PCBP3: variants seen among roughly 807,000 people sequenced by gnomAD.
PCBP3 encodes the protein poly(rC)-binding protein 3.
In PCBP3, 25 loss-of-function variants were observed where a neutral mutation model predicts 52.7. The ratio of observed to expected loss-of-function variants is 0.47; its 90% CI spans 0.35 to 0.66. The LOEUF (loss-of-function observed/expected upper bound fraction) is 0.66. PCBP3 is among the 30% of genes least tolerant of loss of function. The pLI, the probability that PCBP3 is intolerant of heterozygous loss-of-function variation, is 0.01. For synonymous variants in PCBP3, 162 were observed against 183.0 expected (o/e 0.89, Z 0.93); for missense variants, 391 against 490.3 (o/e 0.80, Z 1.91).
chr21:45,925,781 A>G (rs1391672318), intron 13 of PCBP3, among the ~76,000 whole-genome samples: 1 of 152,236 alleles, frequency 6.6e-6, no homozygotes, highest in Non-Finnish European at 1.5e-5. Context: ...ATAATTCAAA[A>G]TTTATACGTG....
At chr21:45,878,848 C>G (rs1167293035) in intron 5 of PCBP3, among the ~76,000 whole-genome samples, 1 of 152,216 alleles carries the variant, frequency 6.6e-6, no homozygotes, top group Non-Finnish European at 1.5e-5. Context: ...GCAACACACA[C>G]CAACCTGGGA....
intron 2 of PCBP3, among the ~76,000 whole-genome samples, chr21:45,691,025 CA>C: frequency 6.6e-6 from 1 of 151,770 alleles, no homozygotes; most frequent in Middle Eastern, 3.4e-3. Flanking sequence ...TAATTACCCA[CA>C]AAAAAATGAA....
At chr21:45,677,154 T>G (rs1225777962) in intron 2 of PCBP3, among the ~76,000 whole-genome samples, 1 of 152,198 alleles carries the variant, frequency 6.6e-6, no homozygotes, top group African/African-American at 2.4e-5. Flanking sequence ...CTGGGCCTCT[T>G]ATGCCAAACA....
At chr21:45,785,922 C>T (rs573276606) in intron 4 of PCBP3, among the ~76,000 whole-genome samples, 11 of 149,994 alleles carry the variant, frequency 7.3e-5, no homozygotes, top group South Asian at 2.2e-4. Flanking sequence ...GTTAAACAGA[C>T]GCTTGAAGGC....
rs529568730 is a variant in PCBP3, at chr21:45,822,990, G to GC, written c.-125-26970dup. Among the ~76,000 whole-genome samples the GC allele has an allele frequency of 4.9e-4, 75 of 152,286 alleles. 2 individuals carry two copies. In the South Asian group the frequency reaches 0.01, roughly 21 times the overall value. On this transcript the variant is annotated intron_variant, in intron 4 of 17. Transcript: ENST00000681687. Reference sequence around the variant, plus strand: ...ACATGTGAGGCTGACCTGGGCCCTAGCGGGGGGTAAGGTCTTCCCCCTCCA... The same window carrying GC: ...ACATGTGAGGCTGACCTGGGCCCTAGCCGGGGGGTAAGGTCTTCCCCCTCCA...
At chr21:45,709,217 C>A (rs968003070) in intron 2 of PCBP3, among the ~76,000 whole-genome samples, 3 of 152,214 alleles carry the variant, frequency 2.0e-5, no homozygotes, top group Non-Finnish European at 2.9e-5. Context: ...GTCTTCGGAA[C>A]ATTCGGCCTC....
At chr21:45,887,086 G>T (rs1327929971) in intron 5 of PCBP3, among the ~76,000 whole-genome samples, 1 of 152,224 alleles carries the variant, frequency 6.6e-6, no homozygotes, top group Non-Finnish European at 1.5e-5. Context: ...GTCTGTGCCT[G>T]TTGGCATTTC....
intron 5 of PCBP3, among the ~76,000 whole-genome samples, chr21:45,866,982 T>C (rs2094759307): frequency 6.6e-6 from 1 of 152,260 alleles, no homozygotes; most frequent in African/African-American, 2.4e-5. Flanking sequence ...GGCTTTGTTT[T>C]GTTTTGCTTA....
At chr21:45,748,039 G>C (rs1170604297) in intron 3 of PCBP3, 1 of 152,470 alleles carries the variant, frequency 6.6e-6, no homozygotes, top group African/African-American at 2.4e-5. Context: ...CCTGCGTGCA[G>C]AGACAGTGAT....
At position 45,736,892 on chromosome 21, in the gene PCBP3, C is replaced by T. The variant is rs1008063982; in HGVS notation, c.-162+1463C>T. Among the ~76,000 whole-genome samples, 2 of 151,982 alleles carry T rather than the reference C, an allele frequency of 1.3e-5. No individual in the cohort carries two copies. The highest frequency in any genetic ancestry group is 1.3e-4 in the Admixed American group (2 of 15,274). ...GGGGTGACAGTGGCTGTGGAGGAAA[C>T]AGGGAAGGGCAGGGTGTGGGAGTCC... On this transcript the variant is annotated intron_variant, in intron 3 of 17. Coordinates refer to ENST00000681687, the MANE Select transcript of PCBP3 (RefSeq NM_001384156.1). The surrounding 1 kb of genome is among the most constrained non-coding windows in gnomAD (Gnocchi z 4.6).
chr21:45,816,662 T>C (rs1276251061), intron 4 of PCBP3, among the ~76,000 whole-genome samples: 2 of 150,760 alleles, frequency 1.3e-5, no homozygotes, highest in East Asian at 3.9e-4. Context: ...GTAACAGGCG[T>C]GGAGCTGTCC....
intron 5 of PCBP3, among the ~76,000 whole-genome samples, chr21:45,877,270 T>C (rs2095284625): frequency 6.6e-6 from 1 of 152,208 alleles, no homozygotes; most frequent in Admixed American, 6.5e-5. Context: ...TCACCTCGTG[T>C]AAAACGGAGG....
chr21:45,643,744 C>G lies in PCBP3; in HGVS notation c.-403C>G, dbSNP rs1715030116. ...ACCGCCGCCTCAGCCGCCTCAGCCGCGGTCGCCGCCGCTTCGGCTGACTTA... is the reference window on the plus strand; with the variant it reads ...ACCGCCGCCTCAGCCGCCTCAGCCGGGGTCGCCGCCGCTTCGGCTGACTTA... On this transcript the variant is annotated 5_prime_UTR_variant, in exon 1 of 18. Coordinates refer to ENST00000681687, the MANE Select transcript of PCBP3 (RefSeq NM_001384156.1). 1 of 148,522 alleles carries G rather than the reference C, an allele frequency of 6.7e-6. No homozygotes were observed. Among genetic ancestry groups the G allele is most frequent in the South Asian group, 2.0e-4 (1 of 4,886 alleles). The allele number at this position is 148,522 out of a possible 1,614,324, so 9.2% of individuals were successfully genotyped here.
Position 45,735,800 on chromosome 21 carries a change from C to T in PCBP3, c.-162+371C>T, listed in dbSNP as rs1391480773. 2.6e-5 allele frequency among the ~76,000 whole-genome samples: 4 copies of T among 152,224 alleles called. No homozygotes were observed. The highest frequency in any genetic ancestry group is 4.8e-5 in the African/African-American group (2 of 41,462). ...GAGCCTACCGCACAAGCCTACCGCACGCCTTTGTTCTTGTGCCAACAGTGC... is the reference window on the plus strand; with the variant it reads ...GAGCCTACCGCACAAGCCTACCGCATGCCTTTGTTCTTGTGCCAACAGTGC... On this transcript the variant is annotated intron_variant, in intron 3 of 17. Coordinates refer to ENST00000681687, the MANE Select transcript of PCBP3 (RefSeq NM_001384156.1). The surrounding 1 kb of genome is among the most constrained non-coding windows in gnomAD (Gnocchi z 4.0).
chr21:45,937,912 G>A (rs1257964427), intron 16 of PCBP3, among the ~76,000 whole-genome samples: 3 of 152,266 alleles, frequency 2.0e-5, no homozygotes, highest in Non-Finnish European at 4.4e-5. Context: ...TGCCCTGGCT[G>A]CTCAATGATG....
intron 4 of PCBP3, among the ~76,000 whole-genome samples, chr21:45,847,230 G>A (rs561941216): frequency 6.6e-6 from 1 of 151,954 alleles, no homozygotes; most frequent in Admixed American, 6.5e-5. Flanking sequence ...ATTTTGGCTT[G>A]TCTGGTGGGA....
chr21:45,666,077 G>T (rs760380994), intron 1 of PCBP3, among the ~76,000 whole-genome samples: 21 of 152,020 alleles, frequency 1.4e-4, no homozygotes, highest in Non-Finnish European at 2.4e-4. Flanking sequence ...ATCTTTTCAT[G>T]AAAAAATCCT....
At chr21:45,936,957 C>G (rs990250709) in intron 16 of PCBP3, among the ~76,000 whole-genome samples, 2 of 152,172 alleles carry the variant, frequency 1.3e-5, no homozygotes, top group African/African-American at 2.4e-5. Flanking sequence ...TGGGTACAGC[C>G]TTCCATGCTT....
At chr21:45,909,710 CGGCCACCCACTGCCCAGATACAGA>C (rs1569484111) in intron 10 of PCBP3, among the ~76,000 whole-genome samples, 36 of 149,276 alleles carry the variant, frequency 2.4e-4, no homozygotes, top group Middle Eastern at 3.5e-3. Flanking sequence ...GATACGGACC[CGGCCACCCACTGCCCAGATACAGA>C]CCTGGCCCAC....
Sources: gnomAD v4.1 joint callset for allele counts (sites outside exome capture counted in the v4.1 genomes callset) on GRCh38, gnomAD v4.1.1 for gene constraint, Gnocchi (gnomAD v3.1) non-coding constraint, MANE v1.5 for transcripts, NCBI Gene and HGNC (gene_info 2026-07-23, HGNC 2026-07-21) for gene names.